Variants in ERBB4 observed in about 807,000 individuals in gnomAD.
ERBB4 encodes the protein receptor tyrosine-protein kinase erbB-4.
A neutral mutation model predicts 158.0 loss-of-function variants in ERBB4; 42 were observed. The observed-to-expected ratio is 0.27, with a 90% CI of 0.21 to 0.34. The LOEUF is 0.34. Ranked by LOEUF, ERBB4 falls within the 10% of genes least tolerant of loss-of-function variation. The probability of loss-of-function intolerance (pLI) is 1.00; values close to 1 mark genes in which losing one functional copy is unlikely to be tolerated. For missense variants in ERBB4, 1,333 were observed against 1,624.1 expected (o/e 0.82, Z 3.08); for synonymous variants, 583 against 558.7 (o/e 1.04, Z -0.61).
chr2:212,533,367 C>T (rs1377770058), intron 1 of ERBB4, among the ~76,000 whole-genome samples: 1 of 152,130 alleles, frequency 6.6e-6, no homozygotes, highest in Non-Finnish European at 1.5e-5. Context: ...AGAAATAGTG[C>T]ATTATATGCA....
intron 2 of ERBB4, among the ~76,000 whole-genome samples, chr2:212,048,609 G>A (rs2077317949): frequency 6.6e-6 from 1 of 152,160 alleles, no homozygotes; most frequent in Non-Finnish European, 1.5e-5. Flanking sequence ...GAAGAGACTG[G>A]GGAAAAATGA....
intron 20 of ERBB4, among the ~76,000 whole-genome samples, chr2:211,465,839 C>T (rs4569408): frequency 0.69 from 105,348 of 151,942 alleles, 38,325 homozygotes; most frequent in South Asian, 0.83. Flanking sequence ...TTAGGACTTC[C>T]AAATGGGAGC....
chr2:212,205,264 GAGCCTCCCACCTC>G, intron 1 of ERBB4, among the ~76,000 whole-genome samples: 1 of 152,182 alleles, frequency 6.6e-6, no homozygotes, highest in East Asian at 1.9e-4. Context: ...GGGTTCAAGT[GAGCCTCCCACCTC>G]AGCCTCCCAA....
At position 212,403,726 on chromosome 2, in the gene ERBB4, G is replaced by A. The variant is rs535862822; in HGVS notation, c.82+134723C>T. Among the ~76,000 whole-genome samples, 22 of 152,118 alleles carry A rather than the reference G, an allele frequency of 1.4e-4. 2 individuals are homozygous for A. Among genetic ancestry groups the A allele is most frequent in the African/African-American group, 4.8e-4 (20 of 41,536 alleles). On this transcript the variant is annotated intron_variant, in intron 1 of 27. Transcript: ENST00000342788. ...TAGAATGGTGACTGCCAGGGACTAG[G>A]GGCTTGGGGAAATGGGAAGTTGCTA... is the stretch of plus-strand genomic sequence containing the variant.
chr2:212,225,557 A>T (rs2083443782), intron 1 of ERBB4, among the ~76,000 whole-genome samples: 1 of 151,938 alleles, frequency 6.6e-6, no homozygotes, highest in Non-Finnish European at 1.5e-5. Context: ...TCGGCATGAG[A>T]ATATCTATCC....
intron 1 of ERBB4, among the ~76,000 whole-genome samples, chr2:212,358,721 T>C (rs2089563293): frequency 1.3e-5 from 2 of 151,738 alleles, no homozygotes; most frequent in Admixed American, 1.3e-4. Flanking sequence ...AAAGGCTAAA[T>C]GTTGTCATTT....
intron 25 of ERBB4, among the ~76,000 whole-genome samples, chr2:211,418,358 T>C (rs1185114803): frequency 6.6e-6 from 1 of 152,136 alleles, no homozygotes; most frequent in Non-Finnish European, 1.5e-5. Flanking sequence ...ACAATATAGA[T>C]GACAAATAAA....
chr2:211,423,093 G>GA (rs1365894158), intron 23 of ERBB4, among the ~76,000 whole-genome samples: 1 of 151,638 alleles, frequency 6.6e-6, no homozygotes, highest in Admixed American at 6.6e-5. Context: ...GCATTCATTT[G>GA]AAAAAATGCT....
In ERBB4 at chr2:211,750,420, C is replaced by G. The variant is rs534143836; in HGVS notation, c.622+219G>C. On this transcript the variant is annotated intron_variant, in intron 5 of 27. Coordinates refer to ENST00000342788, the MANE Select transcript of ERBB4 (RefSeq NM_005235.3). ...ATCACCATAGCTGTGCTGTTGAGATCATTAACCTAGAAACCACGAAGAAAC... is the reference window on the plus strand; with the variant it reads ...ATCACCATAGCTGTGCTGTTGAGATGATTAACCTAGAAACCACGAAGAAAC... 1.1e-3 allele frequency among the ~76,000 whole-genome samples: 175 copies of G among 152,252 alleles called. 1 individual carries two copies. Among genetic ancestry groups the G allele is most frequent in the African/African-American group, 4.1e-3 (170 of 41,554 alleles).
At chr2:211,582,596 C>T (rs1005113632) in intron 19 of ERBB4, among the ~76,000 whole-genome samples, 1 of 152,066 alleles carries the variant, frequency 6.6e-6, no homozygotes, top group Non-Finnish European at 1.5e-5. Flanking sequence ...TCAGAGGAAC[C>T]AGAACTTATT....
chr2:212,095,857 C>A (rs576394664), intron 2 of ERBB4, among the ~76,000 whole-genome samples: 300 of 150,560 alleles, frequency 2.0e-3, no homozygotes, highest in Middle Eastern at 6.8e-3. Flanking sequence ...ATGGCGTAAA[C>A]CTGGGAGGCG....
At chr2:212,203,999 G>A (rs1430683783) in intron 1 of ERBB4, among the ~76,000 whole-genome samples, 2 of 152,154 alleles carry the variant, frequency 1.3e-5, no homozygotes, top group Non-Finnish European at 2.9e-5. Context: ...TTTGTCAAAA[G>A]TTAGTCAAAC....
chr2:212,149,575 A>C (rs530846263), intron 1 of ERBB4, among the ~76,000 whole-genome samples: 1 of 152,208 alleles, frequency 6.6e-6, no homozygotes, highest in African/African-American at 2.4e-5. Flanking sequence ...TATGCAGTTA[A>C]AATGTTTCAA....
chr2:211,863,216 C>T, intron 3 of ERBB4, among the ~76,000 whole-genome samples: 1 of 150,166 alleles, frequency 6.7e-6, no homozygotes, highest in South Asian at 2.1e-4. Context: ...TGCTCTGTGT[C>T]TAGCTAAAGG....
chr2:211,525,757 G>A (rs1004061483), intron 20 of ERBB4, among the ~76,000 whole-genome samples: 1 of 152,120 alleles, frequency 6.6e-6, no homozygotes, highest in Non-Finnish European at 1.5e-5. Context: ...ATTCACCAGA[G>A]CTGACCGAAG....
intron 22 of ERBB4, among the ~76,000 whole-genome samples, chr2:211,425,047 A>G (rs2063596138): frequency 6.6e-6 from 1 of 152,074 alleles, no homozygotes; most frequent in African/African-American, 2.4e-5. Flanking sequence ...GGTGATAATG[A>G]TGGTTCTGAT....
At chr2:212,159,959 T>C (rs2081155266) in intron 1 of ERBB4, among the ~76,000 whole-genome samples, 1 of 151,992 alleles carries the variant, frequency 6.6e-6, no homozygotes, top group Non-Finnish European at 1.5e-5. Flanking sequence ...TTAGGGTTAG[T>C]CTAAGTCCAA....
At chr2:211,765,781 T>G (rs1457547751) in intron 4 of ERBB4, among the ~76,000 whole-genome samples, 1 of 152,234 alleles carries the variant, frequency 6.6e-6, no homozygotes. Context: ...TTTAAAAAAC[T>G]TTTAAATTTA....
At chr2:211,966,075 A>C (rs984936014) in intron 2 of ERBB4, among the ~76,000 whole-genome samples, 1 of 152,086 alleles carries the variant, frequency 6.6e-6, no homozygotes. Flanking sequence ...TTAGCCGGAC[A>C]TTGTGGCACA....
Sources: allele counts gnomAD v4.1 joint callset (sites outside exome capture counted in the v4.1 genomes callset), GRCh38; gene constraint gnomAD v4.1.1; transcripts MANE v1.5; gene names NCBI Gene and HGNC (gene_info 2026-07-23, HGNC 2026-07-21).